Variants in TNFRSF11A observed in about 807,000 individuals in gnomAD.
TNFRSF11A encodes the protein TNF receptor superfamily member 11a.
A neutral mutation model predicts 55.7 loss-of-function variants in TNFRSF11A; 32 were observed. The ratio of observed to expected loss-of-function variants is 0.57; its 90% CI spans 0.43 to 0.77. The LOEUF (loss-of-function observed/expected upper bound fraction) is 0.77, where lower values mean the gene tolerates loss of function less well. Among genes scored for constraint, TNFRSF11A ranks in the 30% least tolerant of loss-of-function variants. The pLI is 0.00. For missense variants in TNFRSF11A, 753 were observed against 809.8 expected, an observed-to-expected ratio of 0.93 and a Z score of 0.85; for synonymous variants, 311 against 331.0, an observed-to-expected ratio of 0.94 and a Z score of 0.65.
chr18:62,332,601 T>C (rs2046171247), intron 1 of TNFRSF11A, among the ~76,000 whole-genome samples: 1 of 152,238 alleles, frequency 6.6e-6, no homozygotes, highest in Admixed American at 6.5e-5. Context: ...TGTTCTTTAA[T>C]GGGGTAAAAA....
At chr18:62,366,843 C>A (rs1568488813) in intron 8 of TNFRSF11A, 83 bp downstream of exon 8, 6 of 1,016,938 alleles carry the variant, frequency 5.9e-6, no homozygotes, top group Non-Finnish European at 8.6e-6. Flanking sequence ...ATATTGAGCA[C>A]CCCCCCCCAC....
At chr18:62,375,833 C>T (rs923750490) in intron 9 of TNFRSF11A, among the ~76,000 whole-genome samples, 9 of 152,028 alleles carry the variant, frequency 5.9e-5, no homozygotes, top group Admixed American at 2.6e-4. Context: ...CTCTTCTCTA[C>T]AAAAATTTAA....
Position 62,369,446 on chromosome 18 carries a change from G to A in TNFRSF11A, c.1529G>A (p.Gly510Glu). ...RLPSSARAGA[G>E]SGSSPGGQSP... is the part of the protein sequence containing the mutation. Reference sequence around the variant, plus strand: ...CCAAGCTCAGCGAGGGCAGGTGCCGGGTCTGGAAGCTCCCCTGGTGGCCAG... The same window carrying A: ...CCAAGCTCAGCGAGGGCAGGTGCCGAGTCTGGAAGCTCCCCTGGTGGCCAG... Residue 510 changes from glycine (G) to glutamate (E), a missense_variant, in exon 9 of 10, where the codon GGG (glycine) becomes GAG (glutamate). Around this residue, in one of 3 missense-constraint regions of TNFRSF11A, gnomAD observed 567 missense variants for 596.7 expected, o/e 0.95. Coordinates refer to ENST00000586569, the MANE Select transcript of TNFRSF11A (RefSeq NM_003839.4). The A allele has an allele frequency of 6.2e-7, 1 of 1,609,870 alleles. No individual in the cohort carries two copies. Among genetic ancestry groups the A allele is most frequent in the African/African-American group, 1.3e-5 (1 of 75,070 alleles).
chr18:62,359,874 T>C, intron 5 of TNFRSF11A, 81 bp from the exon 6 acceptor site: 1 of 1,288,226 alleles, frequency 7.8e-7, no homozygotes, highest in Non-Finnish European at 1.1e-6. Flanking sequence ...GAGCTGGCAA[T>C]CTGGGAGAGT....
rs1600402719 is a variant in TNFRSF11A, at chr18:62,366,882, T to C, written c.783+122T>C. The C allele has an allele frequency of 1.2e-5, 12 of 1,013,090 alleles. No individual in the cohort carries two copies. The East Asian group carries it at 2.2e-4, about 19-fold the overall frequency. The allele number at this position is 1,013,090 out of a possible 1,614,324, so 62.8% of individuals were successfully genotyped here. ...CACTTTTTTTGAGACGGAGTCTCGC[T>C]CTGTGCCTCAGGCTGGAGTGCAGGG... On this transcript the variant is annotated intron_variant, in intron 8 of 9. Coordinates refer to ENST00000586569, the MANE Select transcript of TNFRSF11A (RefSeq NM_003839.4).
At chr18:62,355,161 C>G (rs1158086902) in intron 4 of TNFRSF11A, among the ~76,000 whole-genome samples, 17 of 152,178 alleles carry the variant, frequency 1.1e-4, no homozygotes, top group Non-Finnish European at 1.5e-4. Flanking sequence ...TCCACCTTCC[C>G]CATAGAATTT....
chr18:62,369,450 T>C lies in TNFRSF11A; in HGVS notation c.1533T>C (p.Ser511=). ...GCTCAGCGAGGGCAGGTGCCGGGTC[T>C]GGAAGCTCCCCTGGTGGCCAGTCCC... The part of the protein sequence containing the change: ...LPSSARAGAG[S]GSSPGGQSPA... The change falls in exon 9 of 10, where the codon TCT becomes TCC. Residue 511 remains serine, a synonymous_variant. Coordinates refer to ENST00000586569, the MANE Select transcript of TNFRSF11A (RefSeq NM_003839.4). 6.2e-7 allele frequency: 1 copy of C among 1,609,700 alleles called. No homozygotes were observed. Among genetic ancestry groups the C allele is most frequent in the Non-Finnish European group, 8.5e-7 (1 of 1,180,026 alleles).
chr18:62,360,473 G>A (rs1300633274), intron 6 of TNFRSF11A, among the ~76,000 whole-genome samples: 1 of 150,470 alleles, frequency 6.6e-6, no homozygotes, highest in African/African-American at 2.4e-5. Flanking sequence ...TTGAGATAGA[G>A]TGTCACTCTG....
At position 62,325,724 on chromosome 18, in the gene TNFRSF11A, C is replaced by T. The variant is rs981312825; in HGVS notation, c.75+297C>T. Among the ~76,000 whole-genome samples, 1 of 152,220 alleles carries T rather than the reference C, an allele frequency of 6.6e-6. No homozygotes were observed. Among genetic ancestry groups the T allele is most frequent in the Admixed American group, 6.5e-5 (1 of 15,290 alleles). ...GCAGGCTTTGATGCTGTCATTTTCT[C>T]CAAATGCTTCTTGAGCACCTACTAA... On this transcript the variant is annotated intron_variant, in intron 1 of 9. Coordinates refer to ENST00000586569, the MANE Select transcript of TNFRSF11A (RefSeq NM_003839.4). The surrounding 1 kb of genome is among the most constrained non-coding windows in gnomAD (Gnocchi z 4.7).
intron 9 of TNFRSF11A, among the ~76,000 whole-genome samples, chr18:62,376,765 A>C (rs1457360058): frequency 6.6e-6 from 1 of 152,102 alleles, no homozygotes; most frequent in Non-Finnish European, 1.5e-5. Context: ...TCTGGCAACT[A>C]CTGATCTTTC....
At chr18:62,333,964 A>G (rs2046193381) in intron 1 of TNFRSF11A, among the ~76,000 whole-genome samples, 1 of 151,562 alleles carries the variant, frequency 6.6e-6, no homozygotes, top group South Asian at 2.1e-4. Flanking sequence ...TCCCCCATTC[A>G]AGCAATTCTC....
chr18:62,337,149 T>G (rs902456534), intron 1 of TNFRSF11A, among the ~76,000 whole-genome samples: 5 of 152,176 alleles, frequency 3.3e-5, no homozygotes, highest in African/African-American at 1.2e-4. Flanking sequence ...TATTTTTAAG[T>G]TTTTGTTTTT....
At chr18:62,341,499 C>T (rs959398271) in intron 1 of TNFRSF11A, among the ~76,000 whole-genome samples, 5 of 152,188 alleles carry the variant, frequency 3.3e-5, no homozygotes, top group African/African-American at 1.2e-4. Context: ...TCTAGTGACA[C>T]CCTTTTCCCT....
Position 62,388,109 on chromosome 18 carries a change from C to G in TNFRSF11A, c.*3075C>G, listed in dbSNP as rs1205701933. ...CAGTGTAAAAAAACAAAAATAAAAA[C>G]CACCACTTATTTAGCTCCCAATTCT... On this transcript the variant is annotated 3_prime_UTR_variant, in exon 10 of 10. Transcript: ENST00000586569. 6.6e-6 allele frequency: 1 copy of G among 152,196 alleles called. No individual in the cohort carries two copies. Among genetic ancestry groups the G allele is most frequent in the East Asian group, 1.9e-4 (1 of 5,190 alleles). The allele number at this position is 152,196 out of a possible 1,614,324, so 9.4% of individuals were successfully genotyped here.
intron 9 of TNFRSF11A, among the ~76,000 whole-genome samples, chr18:62,375,030 G>A (rs185701440): frequency 1.3e-5 from 2 of 150,846 alleles, no homozygotes; most frequent in Non-Finnish European, 2.9e-5. Flanking sequence ...TCAGCCTCCC[G>A]AGTAGCTGGG....
rs1008262682 is a variant in TNFRSF11A, at chr18:62,383,852, G to A, written c.1568-899G>A. On this transcript the variant is annotated intron_variant, in intron 9 of 9. Coordinates refer to ENST00000586569, the MANE Select transcript of TNFRSF11A (RefSeq NM_003839.4). This position sits in a 1 kb window ranked among gnomAD's most constrained non-coding sequence, Gnocchi z 4.2. ...GTTTTGTGAATCTGTTTTGTTTCCGGGAGTAATTTTAATGTTAAGGAAGTG... is the reference window on the plus strand; with the variant it reads ...GTTTTGTGAATCTGTTTTGTTTCCGAGAGTAATTTTAATGTTAAGGAAGTG... Among the ~76,000 whole-genome samples, 1 of 151,890 alleles carries A rather than the reference G, an allele frequency of 6.6e-6. No individual in the cohort carries two copies.
At chr18:62,358,480 T>C in intron 5 of TNFRSF11A, 139 bp downstream of exon 5, 3 of 817,240 alleles carry the variant, frequency 3.7e-6, no homozygotes, top group Non-Finnish European at 6.2e-6. Flanking sequence ...GGAAAAAGTC[T>C]GTCAATTCAG....
At position 62,369,306 on chromosome 18, in the gene TNFRSF11A, C is replaced by T. The variant is rs1910346230; in HGVS notation, c.1389C>T (p.Ser463=). The part of the protein sequence containing the change: ...PGEDCEPLVG[S]PKRGPLPQCA... Reference sequence around the variant, plus strand: ...AGGACTGTGAACCCCTCGTGGGTTCCCCAAAACGTGGACCCTTGCCCCAGT... The same window carrying T: ...AGGACTGTGAACCCCTCGTGGGTTCTCCAAAACGTGGACCCTTGCCCCAGT... The change falls in exon 9 of 10, where the codon TCC becomes TCT. Residue 463 remains serine (S), a synonymous_variant. Transcript: ENST00000586569. 1 of 1,610,774 alleles carries T rather than the reference C, an allele frequency of 6.2e-7. No individual in the cohort carries two copies. Among genetic ancestry groups the T allele is most frequent in the Non-Finnish European group, 8.5e-7 (1 of 1,178,468 alleles).
At chr18:62,339,198 G>A (rs879821264) in intron 1 of TNFRSF11A, among the ~76,000 whole-genome samples, 4 of 152,044 alleles carry the variant, frequency 2.6e-5, no homozygotes, top group South Asian at 4.1e-4. Context: ...TGGAAGCCCC[G>A]AAGCAGCCCC....
Sources: gnomAD v4.1 joint callset for allele counts (sites outside exome capture counted in the v4.1 genomes callset) on GRCh38, gnomAD v4.1.1 for gene constraint, gnomAD v4.1.1 regional missense constraint, Gnocchi (gnomAD v3.1) non-coding constraint, MANE v1.5 for transcripts, NCBI Gene and HGNC (gene_info 2026-07-23, HGNC 2026-07-21) for gene names.